The following ZNF441 variants were observed in gnomAD, a reference collection of about 807,000 sequenced individuals.
ZNF441 encodes zinc finger protein 441.
A neutral mutation model predicts 64.5 loss-of-function variants in ZNF441; 25 were observed. The ratio of observed to expected loss-of-function variants is 0.39; its 90% CI spans 0.28 to 0.54. The LOEUF is 0.54. Among genes scored for constraint, ZNF441 ranks in the 20% least tolerant of loss-of-function variants. The pLI, the probability that ZNF441 is intolerant of heterozygous loss-of-function variation, is 0.70. For synonymous variants in ZNF441, 262 were observed against 268.0 expected (o/e 0.98, Z 0.22); for missense variants, 715 against 843.3 (o/e 0.85, Z 1.88).
At chr19:11,778,209 G>A in intron 2 of ZNF441, 121 bp from the exon 3 acceptor site, 1 of 724,938 alleles carries the variant, frequency 1.4e-6, no homozygotes, top group Non-Finnish European at 2.3e-6. Context: ...TCAAACCTGT[G>A]TTGAAGACTC....
chr19:11,777,745 T>C lies in ZNF441; in HGVS notation c.130+8T>C. ...GAAACCTGGACTGTATAGGTAAGGATGTCATCATGTCTTCACTTAGTCAAT... is the reference window on the plus strand; with the variant it reads ...GAAACCTGGACTGTATAGGTAAGGACGTCATCATGTCTTCACTTAGTCAAT... On this transcript the variant is annotated splice_region_variant and intron_variant, in intron 2 of 3. Coordinates refer to ENST00000357901, the MANE Select transcript of ZNF441 (RefSeq NM_152355.3). 1 of 1,600,216 alleles carries C rather than the reference T, an allele frequency of 6.2e-7. No homozygotes were observed.
In ZNF441 at chr19:11,778,335, A is replaced by G. The variant is rs1568481151; in HGVS notation, c.136A>G (p.Ile46Val). 6.5e-7 allele frequency: 1 copy of G among 1,540,812 alleles called. No individual in the cohort carries two copies. The highest frequency in any genetic ancestry group is 2.5e-5 in the East Asian group (1 of 40,788). The change falls in exon 3 of 4, where the codon ATA becomes GTA. Residue 46 changes from isoleucine to valine, a missense_variant. By Grantham distance (29) the Ile-to-Val change is conservative (BLOSUM62 3). Transcript: ENST00000357901. ...TTTCTGGTTCTAACTTTTAGGAATGATATGGCAAAATCATGATATAGAAGA... is the reference window on the plus strand; with the variant it reads ...TTTCTGGTTCTAACTTTTAGGAATGGTATGGCAAAATCATGATATAGAAGA... Reference protein sequence around the residue: ...TIRNLDCIGMIWQNHDIEEDQ... With the variant: ...TIRNLDCIGMVWQNHDIEEDQ...
At chr19:11,772,769 G>A (rs1028821093) in intron 1 of ZNF441, among the ~76,000 whole-genome samples, 1 of 152,128 alleles carries the variant, frequency 6.6e-6, no homozygotes, top group East Asian at 1.9e-4. Context: ...AGGCTGTAGT[G>A]GGAGTTCCAG....
At chr19:11,772,296 G>C (rs945043505) in intron 1 of ZNF441, among the ~76,000 whole-genome samples, 1 of 152,192 alleles carries the variant, frequency 6.6e-6, no homozygotes, top group Non-Finnish European at 1.5e-5. Context: ...CCCGGGCCCA[G>C]CTGTCATTTC....
chr19:11,772,882 C>G (rs770889505), intron 1 of ZNF441, among the ~76,000 whole-genome samples: 1 of 152,138 alleles, frequency 6.6e-6, no homozygotes, highest in Non-Finnish European at 1.5e-5. Flanking sequence ...AGCAAAACTC[C>G]TCCTGGGTTC....
chr19:11,776,828 G>T (rs1236734419), intron 1 of ZNF441, among the ~76,000 whole-genome samples: 1 of 150,096 alleles, frequency 6.7e-6, no homozygotes, highest in Non-Finnish European at 1.5e-5. Context: ...TTTTTTTTGA[G>T]GCGGAGTTTC....
intron 1 of ZNF441, among the ~76,000 whole-genome samples, chr19:11,772,265 C>T (rs959350918): frequency 5.3e-5 from 8 of 152,206 alleles, no homozygotes; most frequent in East Asian, 1.9e-4. Flanking sequence ...TACTGGTCTC[C>T]GCACATTGGT....
At chr19:11,770,762 T>A (rs540092486) in intron 1 of ZNF441, among the ~76,000 whole-genome samples, 1 of 152,064 alleles carries the variant, frequency 6.6e-6, no homozygotes, top group African/African-American at 2.4e-5. Flanking sequence ...TAATTTTTTG[T>A]GTTTTCTGTA....
Position 11,780,985 on chromosome 19 carries a change from T to A in ZNF441, c.1161T>A (p.Thr387=), listed in dbSNP as rs963902623. 6.2e-7 allele frequency: 1 copy of A among 1,613,714 alleles called. No homozygotes were observed. The highest frequency in any genetic ancestry group is 1.3e-5 in the African/African-American group (1 of 74,826). The change falls in exon 4 of 4, where the codon ACT becomes ACA. Residue 387 remains threonine (T), a synonymous_variant. Transcript: ENST00000357901. Reference sequence around the variant, plus strand: ...GTCGAAGGCATGAAACAACTCATACTGGGGAGAAACCCTATAAATGTGAAT... The same window carrying A: ...GTCGAAGGCATGAAACAACTCATACAGGGGAGAAACCCTATAAATGTGAAT... The part of the protein sequence containing the change: ...SLCRRHETTH[T]GEKPYKCECG...
At chr19:11,773,716 A>G (rs1396772717) in intron 1 of ZNF441, among the ~76,000 whole-genome samples, 1 of 152,094 alleles carries the variant, frequency 6.6e-6, no homozygotes, top group African/African-American at 2.4e-5. Flanking sequence ...CATCGTGTGT[A>G]ATTTTTTTGA....
chr19:11,767,453 C>T lies in ZNF441; in HGVS notation c.3+257C>T, dbSNP rs897759370. ...CTCCGCGCCCGCAGTCCTGCGTCTCCCCAGATTGTGCGGCTGTAACCGGCA... is the reference window on the plus strand; with the variant it reads ...CTCCGCGCCCGCAGTCCTGCGTCTCTCCAGATTGTGCGGCTGTAACCGGCA... On this transcript the variant is annotated intron_variant, in intron 1 of 3. Transcript: ENST00000357901. This position sits in a 1 kb window ranked among gnomAD's most constrained non-coding sequence, Gnocchi z 5.1. 6.6e-6 allele frequency among the ~76,000 whole-genome samples: 1 copy of T among 152,246 alleles called. No individual in the cohort carries two copies. Among genetic ancestry groups the T allele is most frequent in the African/African-American group, 2.4e-5 (1 of 41,474 alleles).
At position 11,781,777 on chromosome 19, in the gene ZNF441, A is replaced by C; in HGVS notation, c.1953A>C (p.Pro651=). 2 of 1,614,068 alleles carry C rather than the reference A, an allele frequency of 1.2e-6. No individual in the cohort carries two copies. Among genetic ancestry groups the C allele is most frequent in the Non-Finnish European group, 1.7e-6 (2 of 1,179,968 alleles). ...KPYKCKECGK[P]FHCPSAFHKH... is the part of the protein sequence containing the mutation. Reference sequence around the variant, plus strand: ...ATAAATGTAAGGAATGTGGGAAACCATTCCATTGTCCCAGTGCCTTTCATA... The same window carrying C: ...ATAAATGTAAGGAATGTGGGAAACCCTTCCATTGTCCCAGTGCCTTTCATA... Residue 651 remains proline, a synonymous_variant, in exon 4 of 4, where the codon CCA becomes CCC. Transcript: ENST00000357901.
Position 11,780,540 on chromosome 19 carries a change from C to G in ZNF441, c.716C>G (p.Thr239Ser). Residue 239 changes from threonine to serine, a missense_variant, in exon 4 of 4, where the codon ACT (threonine) becomes AGT (serine). Physicochemically the swap from Thr to Ser is moderately conservative, Grantham distance 58 (BLOSUM62 1). This residue lies in a region of ZNF441 where 399 missense variants were observed against 413.9 expected (regional missense o/e 0.96). Coordinates refer to ENST00000357901, the MANE Select transcript of ZNF441 (RefSeq NM_152355.3). ...ACAGCGTTTCCTGCTTATAGTTCCA[C>G]TCTAAGACATGAAAGAACACACAGT... ...CSTAFPAYSS[T>S]LRHERTHSGE... 3 of 1,614,080 alleles carry G rather than the reference C, an allele frequency of 1.9e-6. No homozygotes were observed. The highest frequency in any genetic ancestry group is 1.7e-6 in the Non-Finnish European group (2 of 1,180,012).
chr19:11,782,793 T>G lies in ZNF441; in HGVS notation c.*887T>G, dbSNP rs573314238. ...TGGAGCCTTTGTTGCATGACAGGAT[T>G]GTACCTGAAGATCACATTCTTTAAC... On this transcript the variant is annotated 3_prime_UTR_variant, in exon 4 of 4. Transcript: ENST00000357901. 1.4e-4 allele frequency: 22 copies of G among 152,342 alleles called. No individual in the cohort carries two copies. The highest frequency in any genetic ancestry group is 4.6e-4 in the African/African-American group (19 of 41,592). The allele number at this position is 152,342 out of a possible 1,614,324, so 9.4% of individuals were successfully genotyped here. A position where few individuals can be genotyped will look rare whatever the true frequency, so the allele number is the denominator to read the frequency against.
intron 1 of ZNF441, among the ~76,000 whole-genome samples, chr19:11,772,195 C>T (rs1336200601): frequency 6.9e-6 from 1 of 145,038 alleles, no homozygotes; most frequent in African/African-American, 2.6e-5. Flanking sequence ...TCACACTCTA[C>T]CCTGCCCCTT....
intron 2 of ZNF441, 33 bp downstream of exon 2, chr19:11,777,770 T>TTA: frequency 6.3e-7 from 1 of 1,586,450 alleles, no homozygotes; most frequent in South Asian, 1.1e-5. Context: ...ACTTAGTCAA[T>TTA]TAGAGACATT....
intron 1 of ZNF441, among the ~76,000 whole-genome samples, chr19:11,775,499 T>C (rs955145823): frequency 3.3e-5 from 5 of 151,918 alleles, no homozygotes; most frequent in Non-Finnish European, 5.9e-5. Flanking sequence ...CCGGCTAATT[T>C]TTTGTATTTT....
intron 1 of ZNF441, among the ~76,000 whole-genome samples, chr19:11,772,750 C>A (rs996530328): frequency 6.6e-6 from 1 of 152,090 alleles, no homozygotes. Context: ...GCACATCCAG[C>A]CACTCAGGAG....
chr19:11,781,272 C>T lies in ZNF441; in HGVS notation c.1448C>T (p.Ala483Val). ...KPYECKQCGK[A>V]LSHLKSFQRH... The stretch of plus-strand genomic sequence containing the variant: ...TATGAATGTAAGCAGTGTGGAAAAG[C>T]ACTTTCTCATCTGAAAAGCTTTCAG... The change falls in exon 4 of 4, where the codon GCA (alanine) becomes GTA (valine). Residue 483 changes from alanine to valine, a missense_variant. Physicochemically the swap from Ala to Val is moderately conservative, Grantham distance 64. Around this residue, in one of 2 missense-constraint regions of ZNF441, gnomAD observed 316 missense variants for 429.3 expected, o/e 0.74. Transcript: ENST00000357901. 1 of 1,613,738 alleles carries T rather than the reference C, an allele frequency of 6.2e-7. No individual in the cohort carries two copies. The highest frequency in any genetic ancestry group is 8.5e-7 in the Non-Finnish European group (1 of 1,179,948).
Sources: gnomAD v4.1 joint callset for allele counts (sites outside exome capture counted in the v4.1 genomes callset) on GRCh38, gnomAD v4.1.1 for gene constraint, gnomAD v4.1.1 regional missense constraint, Gnocchi (gnomAD v3.1) non-coding constraint, MANE v1.5 for transcripts, NCBI Gene and HGNC (gene_info 2026-07-23, HGNC 2026-07-21) for gene names.